The following RBM44 variants were observed in gnomAD, a reference collection of about 807,000 sequenced individuals.
RBM44 encodes RNA binding motif protein 44, also known as RNA-binding protein 44.
A neutral mutation model predicts 105.1 loss-of-function variants in RBM44; 66 were observed. The ratio of observed to expected loss-of-function variants is 0.63; its 90% CI spans 0.52 to 0.77. The LOEUF is 0.77. RBM44 is among the 30% of genes least tolerant of loss of function. The pLI, the probability that RBM44 is intolerant of heterozygous loss-of-function variation, is 0.00. For missense variants in RBM44, 1,122 were observed against 1,207.8 expected, an observed-to-expected ratio of 0.93 and a Z score of 1.05; for synonymous variants, 365 against 417.6, an observed-to-expected ratio of 0.87 and a Z score of 1.54.
At chr2:237,802,184 A>G (rs896617258) in intron 1 of RBM44, among the ~76,000 whole-genome samples, 8 of 152,208 alleles carry the variant, frequency 5.3e-5, no homozygotes, top group Non-Finnish European at 1.0e-4. Context: ...AGACTAGGTT[A>G]AGTCTTGTAT....
intron 10 of RBM44, among the ~76,000 whole-genome samples, chr2:237,826,546 G>A (rs921269043): frequency 3.3e-5 from 5 of 151,998 alleles, no homozygotes; most frequent in Non-Finnish European, 7.4e-5. Context: ...CAATTAAAAG[G>A]TTTTCTTGGT....
chr2:237,810,330 A>G (rs1166354828), intron 1 of RBM44, among the ~76,000 whole-genome samples: 1 of 152,186 alleles, frequency 6.6e-6, no homozygotes, highest in Non-Finnish European at 1.5e-5. Flanking sequence ...TTCTCTTACA[A>G]TATGCATTCA....
At chr2:237,825,745 G>A (rs1390837400) in intron 10 of RBM44, among the ~76,000 whole-genome samples, 1 of 152,118 alleles carries the variant, frequency 6.6e-6, no homozygotes, top group East Asian at 1.9e-4. Flanking sequence ...GAAAGGTGAG[G>A]TGATGGGTAT....
At chr2:237,834,474 C>T in intron 15 of RBM44, 51 bp downstream of exon 15, 1 of 852,976 alleles carries the variant, frequency 1.2e-6, no homozygotes, top group Non-Finnish European at 1.7e-6. Flanking sequence ...AATTTATAAG[C>T]TATTGATTTC....
intron 1 of RBM44, among the ~76,000 whole-genome samples, chr2:237,807,920 TC>T (rs1321101083): frequency 6.6e-6 from 1 of 152,154 alleles, no homozygotes; most frequent in East Asian, 1.9e-4. Flanking sequence ...ATTTTTAGGT[TC>T]AAATTATTTA....
intron 10 of RBM44, among the ~76,000 whole-genome samples, chr2:237,824,720 C>T (rs774229924): frequency 5.3e-5 from 8 of 152,156 alleles, no homozygotes; most frequent in Non-Finnish European, 1.0e-4. Flanking sequence ...TTTCCAGGCA[C>T]GGGTACATGG....
intron 15 of RBM44, among the ~76,000 whole-genome samples, chr2:237,837,158 G>A (rs1368499634): frequency 6.6e-6 from 1 of 152,098 alleles, no homozygotes; most frequent in Non-Finnish European, 1.5e-5. Flanking sequence ...AAATACTATT[G>A]CTCATTGACA....
At position 237,824,397 on chromosome 2, in the gene RBM44, A is replaced by G. The variant is rs1222230962; in HGVS notation, c.2427A>G (p.Thr809=). The change falls in exon 10 of 16, where the codon ACA becomes ACG. Residue 809 remains threonine, a synonymous_variant. Transcript: ENST00000316997. ...AGGGAAATCAAGTAGAACAAGACACATGGAATTTGGATCTTACAGGAGGTT... is the reference window on the plus strand; with the variant it reads ...AGGGAAATCAAGTAGAACAAGACACGTGGAATTTGGATCTTACAGGAGGTT... ...GTQGNQVEQD[T]WNLDLTGEMK... is the part of the protein sequence containing the mutation. 8 of 1,612,580 alleles carry G rather than the reference A, an allele frequency of 5.0e-6. No homozygotes were observed. The highest frequency in any genetic ancestry group is 1.1e-5 in the South Asian group (1 of 90,944).
chr2:237,813,769 C>A (rs1290106715), intron 2 of RBM44, 87 bp downstream of exon 2: 1 of 800,642 alleles, frequency 1.2e-6, no homozygotes, highest in Admixed American at 2.1e-5. Context: ...CAGGTTGCTG[C>A]TTTTTAACTC....
Position 237,840,463 on chromosome 2 carries a change from A to T in RBM44, c.*23-1376A>T, listed in dbSNP as rs1034983309. Among the ~76,000 whole-genome samples the T allele has an allele frequency of 1.3e-5, 2 of 152,106 alleles. 1 individual carries two copies. The highest frequency in any genetic ancestry group is 4.8e-5 in the African/African-American group (2 of 41,404). On this transcript the variant is annotated intron_variant, in intron 15 of 15. Transcript: ENST00000316997. ...AGTGTACAGCCTAAAACTTATAAAA[A>T]CCCTTGAAGAAAACCTAAGAATTAC...
intron 1 of RBM44, among the ~76,000 whole-genome samples, chr2:237,808,003 TAATG>T (rs1171813447): frequency 6.6e-6 from 1 of 152,038 alleles, no homozygotes; most frequent in Non-Finnish European, 1.5e-5. Context: ...TGACAAGACA[TAATG>T]AGTCAGAAAA....
intron 1 of RBM44, among the ~76,000 whole-genome samples, chr2:237,807,806 C>T (rs2061614488): frequency 2.0e-5 from 3 of 152,142 alleles, no homozygotes; most frequent in Admixed American, 2.0e-4. Context: ...TCTGGGTAGC[C>T]TAGAACATCT....
At chr2:237,820,127 T>G (rs1309279706) in intron 4 of RBM44, 48 bp from the exon 5 acceptor site, 1 of 1,093,140 alleles carries the variant, frequency 9.1e-7, no homozygotes, top group African/African-American at 1.6e-5. Context: ...GTTATTACTA[T>G]AGAAAAATGT....
intron 2 of RBM44, among the ~76,000 whole-genome samples, chr2:237,815,709 G>A (rs544234576): frequency 7.9e-5 from 12 of 151,616 alleles, no homozygotes; most frequent in Non-Finnish European, 1.5e-4. Flanking sequence ...ATGTAATTCC[G>A]ATTATGATCT....
chr2:237,838,242 A>G (rs2061978585), intron 15 of RBM44, among the ~76,000 whole-genome samples: 1 of 152,234 alleles, frequency 6.6e-6, no homozygotes, highest in South Asian at 2.1e-4. Context: ...GACTCGCAAC[A>G]GAAGTCACCA....
intron 1 of RBM44, among the ~76,000 whole-genome samples, chr2:237,804,584 T>G (rs2061579864): frequency 1.3e-5 from 2 of 152,226 alleles, no homozygotes; most frequent in East Asian, 3.9e-4. Context: ...GCTCATGTTT[T>G]CTCTTGAGAC....
Position 237,820,287 on chromosome 2 carries a change from A to G in RBM44, c.1849A>G (p.Met617Val), listed in dbSNP as rs375112429. 33 of 1,605,022 alleles carry G rather than the reference A, an allele frequency of 2.1e-5. No homozygotes were observed. Among genetic ancestry groups the G allele is most frequent in the Non-Finnish European group, 2.8e-5 (33 of 1,174,820 alleles). ...ELHLLNVHYQ[M>V]CRRHCCDIYK... ...GCACCTTTTAAATGTTCACTATCAG[A>G]TGTGTCGTCGCCATTGTTGTGATAT... The change falls in exon 5 of 16, where the codon ATG becomes GTG. Residue 617 changes from methionine to valine, a missense_variant. This residue lies in a region of RBM44 where 918 missense variants were observed against 955.3 expected (regional missense o/e 0.96). Transcript: ENST00000316997.
At chr2:237,801,673 TAAG>T (rs977424910) in intron 1 of RBM44, among the ~76,000 whole-genome samples, 1 of 152,202 alleles carries the variant, frequency 6.6e-6, no homozygotes, top group African/African-American at 2.4e-5. Flanking sequence ...TCTTATAATC[TAAG>T]AAGAAGGAAT....
chr2:237,821,991 C>T (rs950607925), intron 8 of RBM44, among the ~76,000 whole-genome samples, 164 bp downstream of exon 8: 2 of 151,972 alleles, frequency 1.3e-5, no homozygotes, highest in Non-Finnish European at 2.9e-5. Flanking sequence ...ATATTTATGT[C>T]GAATCCTGAT....
Sources: gnomAD v4.1 joint callset for allele counts (sites outside exome capture counted in the v4.1 genomes callset) on GRCh38, gnomAD v4.1.1 for gene constraint, gnomAD v4.1.1 regional missense constraint, MANE v1.5 for transcripts, NCBI Gene and HGNC (gene_info 2026-07-23, HGNC 2026-07-21) for gene names.